The following MITD1 variants were observed in gnomAD, a reference collection of about 807,000 sequenced individuals.
The protein encoded by MITD1 is microtubule interacting and trafficking domain containing 1.
Under a neutral mutation model 34.9 loss-of-function variants are expected in MITD1, and 24 were observed. The ratio of observed to expected loss-of-function variants is 0.69; its 90% CI spans 0.50 to 0.97. The LOEUF is 0.97. Ranked by LOEUF, MITD1 falls within the 50% of genes least tolerant of loss-of-function variation. The pLI is 0.00. For synonymous variants in MITD1, 102 were observed against 101.4 expected, an observed-to-expected ratio of 1.01 and a Z score of -0.04; for missense variants, 266 against 294.6, an observed-to-expected ratio of 0.90 and a Z score of 0.71.
chr2:99,166,307 G>A (rs1198727917), downstream of MITD1, among the ~76,000 whole-genome samples: 1 of 152,012 alleles, frequency 6.6e-6, no homozygotes, highest in East Asian at 1.9e-4. Context: ...TTTCAAGAAG[G>A]GAGTAGCCAA....
At chr2:99,173,079 T>C (rs542436139) in intron 2 of MITD1, 2 of 159,748 alleles carry the variant, frequency 1.3e-5, no homozygotes, top group South Asian at 3.6e-4. Flanking sequence ...GGAGGTACTA[T>C]ATTTCATCAA....
intron 7 of MITD1, among the ~76,000 whole-genome samples, chr2:99,163,391 G>A (rs570976009): frequency 2.0e-5 from 3 of 152,126 alleles, no homozygotes; most frequent in African/African-American, 4.8e-5. Flanking sequence ...GCAGTGGTGC[G>A]ATCTTGGCCC....
chr2:99,177,909 T>C (rs796743077), intron 1 of MITD1, among the ~76,000 whole-genome samples: 1 of 152,326 alleles, frequency 6.6e-6, no homozygotes, highest in East Asian at 1.9e-4. Context: ...TCTATGATAT[T>C]AACTTTTTTA....
downstream of MITD1, among the ~76,000 whole-genome samples, chr2:99,168,978 T>TTTTTTTTTTTTTTTTTTTTTTTTTTTTG (rs70940146): frequency 9.7e-6 from 1 of 103,030 alleles, no homozygotes; most frequent in Non-Finnish European, 1.9e-5. Flanking sequence ...TTTTTTTTTT[T>TTTTTTTTTTTTTTTTTTTTTTTTTTTTG]CTGATACAGG....
At chr2:99,162,407 A>C in intron 7 of MITD1, 1 of 1,614,040 alleles carries the variant, frequency 6.2e-7, no homozygotes, top group Non-Finnish European at 8.5e-7. Flanking sequence ...AGGCTACCAA[A>C]AGATTTGACC....
intron 7 of MITD1, chr2:99,163,191 A>AT: frequency 2.2e-6 from 1 of 452,322 alleles, no homozygotes; most frequent in South Asian, 5.5e-5. Flanking sequence ...AAAAAAAAAA[A>AT]CAAAACACAA....
At chr2:99,170,999 G>A (rs147973726) in intron 4 of MITD1, 1 of 274,186 alleles carries the variant, frequency 3.6e-6, no homozygotes, top group Non-Finnish European at 7.0e-6. Context: ...AGATAGAGAT[G>A]CCCACTACCA....
Position 99,173,826 on chromosome 2 carries a change from C to T in MITD1, c.253+89G>A. The T allele has an allele frequency of 3.3e-5, 27 of 813,318 alleles. 1 individual carries two copies. In the South Asian group the frequency reaches 3.8e-4, roughly 11 times the overall value. The allele number at this position is 813,318 out of a possible 1,614,324, so 50.4% of individuals were successfully genotyped here. A position where few individuals can be genotyped will look rare whatever the true frequency, so the allele number is the denominator to read the frequency against. ...CCAGGGACAACTGGTCCAGACCACACAGAGCTCCAAAGGGCAGGAGCCAGA... is the reference window on the plus strand; with the variant it reads ...CCAGGGACAACTGGTCCAGACCACATAGAGCTCCAAAGGGCAGGAGCCAGA... On this transcript the variant is annotated intron_variant, in intron 2 of 6. Transcript: ENST00000289359.
rs2093814266 is a variant in MITD1 at position 99,163,839 on chromosome 2, T to C, written c.*4-1621A>G. Among the ~76,000 whole-genome samples, 3 of 152,174 alleles carry C rather than the reference T, an allele frequency of 2.0e-5. No homozygotes were observed. The South Asian group carries it at 6.2e-4, about 31-fold the overall frequency. On this transcript the variant is annotated intron_variant, in intron 7 of 7. Transcript: ENST00000422537. ...TTTTAGTTATATTTTCTTATCTTTC[T>C]ACTCTCCCACTAAAAATCAAGGCTG...
intron 4 of MITD1, chr2:99,171,016 A>G (rs2093854299): frequency 3.4e-6 from 1 of 289,936 alleles, no homozygotes; most frequent in South Asian, 5.5e-5. Context: ...ACCATATCAT[A>G]TCATGCTACC....
intron 1 of MITD1, among the ~76,000 whole-genome samples, chr2:99,177,127 C>T (rs6727749): frequency 0.51 from 77,312 of 152,022 alleles, 21,583 homozygotes; most frequent in Middle Eastern, 0.71. Flanking sequence ...CCTCTCCTGC[C>T]CAAATAAAAG....
intron 1 of MITD1, among the ~76,000 whole-genome samples, chr2:99,176,494 T>G (rs1450299337): frequency 2.6e-5 from 4 of 151,594 alleles, no homozygotes. Flanking sequence ...CCCGGCTAAT[T>G]TTTTGTATTT....
At chr2:99,164,395 T>C (rs1300462545), downstream of MITD1, among the ~76,000 whole-genome samples, 2 of 151,550 alleles carry the variant, frequency 1.3e-5, no homozygotes, top group Non-Finnish European at 2.9e-5. Context: ...TGCTCATAGG[T>C]CACTACAGCC....
At chr2:99,161,733 T>C (rs1196444529), downstream of MITD1, 1 of 456,826 alleles carries the variant, frequency 2.2e-6, no homozygotes, top group African/African-American at 2.0e-5. Context: ...GTTTGAAAAC[T>C]GTGAAATTAT....
At chr2:99,170,680 G>T in intron 4 of MITD1, 28 bp from the exon 5 acceptor site, 2 of 1,065,630 alleles carry the variant, frequency 1.9e-6, no homozygotes, top group Non-Finnish European at 2.9e-6. Flanking sequence ...ACGATTATCT[G>T]CCGCAGTTAT....
downstream of MITD1, among the ~76,000 whole-genome samples, chr2:99,166,736 C>A (rs926434240): frequency 1.3e-5 from 2 of 151,056 alleles, no homozygotes; most frequent in African/African-American, 4.9e-5. Flanking sequence ...TTTGATCTCT[C>A]ATTTTTTTAA....
chr2:99,179,989 G>T (rs1398794306), intron 1 of MITD1, among the ~76,000 whole-genome samples: 1 of 152,146 alleles, frequency 6.6e-6, no homozygotes, highest in Non-Finnish European at 1.5e-5. Flanking sequence ...GCTTAGTCCA[G>T]ACCGGGAGTG....
chr2:99,163,191 AC>A lies in MITD1; in HGVS notation c.*4-974del, dbSNP rs68130738. ...CTTTTAGTAACGTCAAAAAAAAAAA[AC>A]AAAACACAACAACCTAGTCTCTTTC... is the stretch of plus-strand genomic sequence containing the variant. On this transcript the variant is annotated intron_variant, in intron 7 of 7. Coordinates refer to the MITD1 transcript ENST00000422537. 0.047 allele frequency: 21,217 copies of A among 447,134 alleles called. 116 individuals are homozygous for A. The highest frequency in any genetic ancestry group is 0.11 in the East Asian group (2,118 of 19,504). The allele number at this position is 447,134 out of a possible 1,614,324, so 27.7% of individuals were successfully genotyped here.
chr2:99,176,133 G>A (rs761605415), intron 1 of MITD1, among the ~76,000 whole-genome samples: 52 of 152,058 alleles, frequency 3.4e-4, no homozygotes, highest in Admixed American at 7.9e-4. Flanking sequence ...TCTATTTTCT[G>A]TAGAGATGGG....
Sources: gnomAD v4.1 joint callset for allele counts (sites outside exome capture counted in the v4.1 genomes callset) on GRCh38, gnomAD v4.1.1 for gene constraint, MANE v1.5 for transcripts, NCBI Gene and HGNC (gene_info 2026-07-23, HGNC 2026-07-21) for gene names.